WWP2: variants seen among roughly 807,000 people sequenced by gnomAD.
The protein encoded by WWP2 is WW domain containing E3 ubiquitin protein ligase 2.
Under a neutral mutation model 121.0 loss-of-function variants are expected in WWP2, and 57 were observed. The observed-to-expected ratio is 0.47, with a 90% confidence interval of 0.38 to 0.59. WWP2 has a LOEUF of 0.59. Among genes scored for constraint, WWP2 ranks in the 20% least tolerant of loss-of-function variants. The probability of loss-of-function intolerance (pLI) is 0.00; values close to 1 mark genes in which losing one functional copy is unlikely to be tolerated. For missense variants in WWP2, 962 were observed against 1,158.9 expected, an observed-to-expected ratio of 0.83 and a Z score of 2.47; for synonymous variants, 449 against 441.3, an observed-to-expected ratio of 1.02 and a Z score of -0.22.
chr16:69,880,093 C>T (rs8052428), intron 7 of WWP2, among the ~76,000 whole-genome samples: 53,001 of 150,154 alleles, frequency 0.35, 9,342 homozygotes, highest in South Asian at 0.44. Flanking sequence ...AAATAAATAT[C>T]CCATTAGAAT....
intron 4 of WWP2, among the ~76,000 whole-genome samples, chr16:69,820,069 CA>C (rs879344270): frequency 6.2e-4 from 95 of 152,128 alleles, no homozygotes; most frequent in Non-Finnish European, 1.3e-3. Context: ...AGACCCTCTA[CA>C]AAAAATAGGA....
At chr16:69,830,005 A>T (rs1249407460) in intron 4 of WWP2, among the ~76,000 whole-genome samples, 1 of 149,820 alleles carries the variant, frequency 6.7e-6, no homozygotes, top group African/African-American at 2.5e-5. Flanking sequence ...CCTAAGCTGG[A>T]ATGCAGTGGC....
chr16:69,831,827 CTT>C (rs548609220), intron 4 of WWP2, among the ~76,000 whole-genome samples: 23 of 109,048 alleles, frequency 2.1e-4, no homozygotes, highest in Admixed American at 4.5e-4. Flanking sequence ...AAAACAAAAC[CTT>C]TTTTTTTTTT....
chr16:69,865,370 A>G (rs1258435280), intron 6 of WWP2, among the ~76,000 whole-genome samples: 1 of 152,196 alleles, frequency 6.6e-6, no homozygotes, highest in Non-Finnish European at 1.5e-5. Context: ...TGATTATTTA[A>G]AAAATATTGG....
At chr16:69,926,936 G>A (rs1042039150) in intron 11 of WWP2, among the ~76,000 whole-genome samples, 5 of 152,206 alleles carry the variant, frequency 3.3e-5, no homozygotes, top group Admixed American at 2.0e-4. Flanking sequence ...TGTAGAGGCA[G>A]GTGATGTAGC....
In WWP2 at chr16:69,836,850, A is replaced by G. The variant is rs1017889471; in HGVS notation, c.341-3276A>G. 1.1e-4 allele frequency among the ~76,000 whole-genome samples: 16 copies of G among 152,272 alleles called. 2 individuals carry two copies. Among genetic ancestry groups the G allele is most frequent in the East Asian group, 3.9e-4 (2 of 5,174 alleles). On this transcript the variant is annotated intron_variant, in intron 4 of 23. Transcript: ENST00000359154. ...AGGATGGTCTCGAATTCCTGAGCTC[A>G]AGCGACCCACCCATCGCAGCCCATC...
chr16:69,881,519 G>A (rs906308131), intron 7 of WWP2, among the ~76,000 whole-genome samples: 1 of 152,206 alleles, frequency 6.6e-6, no homozygotes, highest in Non-Finnish European at 1.5e-5. Context: ...CTGGAGTTTA[G>A]TTAATAGTAG....
chr16:69,768,291 A>G (rs902023854), intron 1 of WWP2, among the ~76,000 whole-genome samples: 4 of 152,188 alleles, frequency 2.6e-5, no homozygotes, highest in Non-Finnish European at 5.9e-5. Flanking sequence ...AGTGATTTAA[A>G]TCATTACTAC....
intron 4 of WWP2, among the ~76,000 whole-genome samples, chr16:69,812,732 CACCCAGGAGTGACTTT>C (rs2056418751): frequency 6.6e-6 from 1 of 152,132 alleles, no homozygotes; most frequent in Non-Finnish European, 1.5e-5. Flanking sequence ...TTGGCAGGAA[CACCCAGGAGTGACTTT>C]GTGTCCTTCT....
intron 1 of WWP2, among the ~76,000 whole-genome samples, chr16:69,784,926 T>G (rs970399761): frequency 2.0e-5 from 3 of 151,932 alleles, no homozygotes; most frequent in Admixed American, 6.6e-5. Flanking sequence ...AATATGAGTT[T>G]TTTTTTTTTT....
chr16:69,855,200 T>A (rs2057289433), intron 6 of WWP2, among the ~76,000 whole-genome samples: 1 of 152,228 alleles, frequency 6.6e-6, no homozygotes, highest in Admixed American at 6.5e-5. Context: ...AATCTAGAAT[T>A]TATATTCTGC....
intron 6 of WWP2, among the ~76,000 whole-genome samples, chr16:69,857,944 G>A (rs976859189): frequency 4.6e-5 from 7 of 151,812 alleles, no homozygotes; most frequent in African/African-American, 1.7e-4. Flanking sequence ...TACCGCATCC[G>A]GCCTAACAGT....
At chr16:69,909,865 G>A (rs951416288) in intron 9 of WWP2, 44 of 341,500 alleles carry the variant, frequency 1.3e-4, no homozygotes, top group Non-Finnish European at 1.7e-4. Flanking sequence ...AACTCATGGC[G>A]GGTTTTGTTT....
At chr16:69,812,478 T>C (rs60555123) in intron 4 of WWP2, among the ~76,000 whole-genome samples, 5,407 of 118,024 alleles carry the variant, frequency 0.046, 236 homozygotes, top group African/African-American at 0.089. Context: ...ACCCCCCCCC[T>C]TTTTTTTTTT....
rs748783689 is a variant in WWP2, at chr16:69,840,273, G to T, written c.478+10G>T. The T allele has an allele frequency of 1.9e-6, 3 of 1,613,748 alleles. No homozygotes were observed. Among genetic ancestry groups the T allele is most frequent in the Non-Finnish European group, 2.5e-6 (3 of 1,179,938 alleles). On this transcript the variant is annotated intron_variant, in intron 5 of 23. Coordinates refer to ENST00000359154, the MANE Select transcript of WWP2 (RefSeq NM_001270454.2). ...AGTGCCCTGACAGATGGTGAGTGCCGCCCTGCTCCTCAGGACTGTGCCGGG... is the reference window on the plus strand; with the variant it reads ...AGTGCCCTGACAGATGGTGAGTGCCTCCCTGCTCCTCAGGACTGTGCCGGG...
In WWP2 at chr16:69,931,886, G is replaced by A. The variant is rs202095634; in HGVS notation, c.1678G>A (p.Ala560Thr). The change falls in exon 16 of 24, where the codon GCC becomes ACC. Residue 560 changes from alanine (A) to threonine (T), a missense_variant. Physicochemically the swap from Ala to Thr is moderately conservative, Grantham distance 58. Transcript: ENST00000359154. ...GGAGGGCCTGGACTATGGGGGCATCGCCAGGTGAGCTTGAGTGCCCCGGAA... is the reference window on the plus strand; with the variant it reads ...GGAGGGCCTGGACTATGGGGGCATCACCAGGTGAGCTTGAGTGCCCCGGAA... The part of the protein sequence containing the change: ...GEEGLDYGGI[A>T]REWFFLLSHE... The A allele has an allele frequency of 5.6e-6, 9 of 1,612,432 alleles. No homozygotes were observed. The highest frequency in any genetic ancestry group is 2.2e-5 in the East Asian group (1 of 44,874).
In WWP2 at chr16:69,850,285, G is replaced by T. The variant is rs374780944; in HGVS notation, c.575+8165G>T. The stretch of plus-strand genomic sequence containing the variant: ...GCCTGTAGTCCCAGCTACTCGGGAG[G>T]CTGAGGCAGGAGAATGGTGTGAACC... On this transcript the variant is annotated intron_variant, in intron 6 of 23. Coordinates refer to ENST00000359154, the MANE Select transcript of WWP2 (RefSeq NM_001270454.2). Among the ~76,000 whole-genome samples the T allele has an allele frequency of 2.3e-3, 347 of 151,918 alleles. 4 individuals are homozygous for T. The highest frequency in any genetic ancestry group is 5.6e-3 in the South Asian group (27 of 4,792).
chr16:69,939,126 A>G lies in WWP2; in HGVS notation c.2440+3A>G. ...CGGGGGATTTGCCGAACTCATCGGT[A>G]TGTTTTCTCTCGCCCTCTGGCGTCC... On this transcript the variant is annotated splice_donor_region_variant and intron_variant, in intron 22 of 23. Coordinates refer to ENST00000359154, the MANE Select transcript of WWP2 (RefSeq NM_001270454.2). 1 of 1,596,300 alleles carries G rather than the reference A, an allele frequency of 6.3e-7. No homozygotes were observed. Among genetic ancestry groups the G allele is most frequent in the Non-Finnish European group, 8.5e-7 (1 of 1,170,462 alleles).
chr16:69,880,689 G>A (rs2057811770), intron 7 of WWP2, among the ~76,000 whole-genome samples: 2 of 152,144 alleles, frequency 1.3e-5, no homozygotes, highest in Admixed American at 1.3e-4. Flanking sequence ...GTCCAGTTTT[G>A]GTTGCTGTCG....
Sources: gnomAD v4.1 joint callset for allele counts (sites outside exome capture counted in the v4.1 genomes callset) on GRCh38, gnomAD v4.1.1 for gene constraint, MANE v1.5 for transcripts, NCBI Gene and HGNC (gene_info 2026-07-23, HGNC 2026-07-21) for gene names.